ST7L: variants seen among roughly 807,000 people sequenced by gnomAD.
The protein encoded by ST7L is suppressor of tumorigenicity 7 protein-like.
A neutral mutation model predicts 72.5 loss-of-function variants in ST7L; 57 were observed. The ratio of observed to expected loss-of-function variants is 0.79; its 90% CI spans 0.64 to 0.98. The LOEUF (loss-of-function observed/expected upper bound fraction) is 0.98, where lower values mean the gene tolerates loss of function less well. Among genes scored for constraint, ST7L ranks in the 50% least tolerant of loss-of-function variants. ST7L has a pLI of 0.00. For synonymous variants in ST7L, 221 were observed against 240.9 expected (o/e 0.92, Z 0.77); for missense variants, 576 against 672.2 (o/e 0.86, Z 1.58).
chr1:112,536,410 CT>C (rs1459412235), intron 14 of ST7L, among the ~76,000 whole-genome samples: 1 of 152,020 alleles, frequency 6.6e-6, no homozygotes, highest in Non-Finnish European at 1.5e-5. Flanking sequence ...TGTTTATTAA[CT>C]CCCCCGGTTC....
Position 112,541,967 on chromosome 1 carries a change from C to G in ST7L, c.1613G>C (p.Gly538Ala). ...ILTHQFPEIM[G>A]IFAKAVLGLW... ...CATACTTACAGCTTTAGCAAAAATACCCATGATTTCAGGAAACTGGTGAGT... is the reference window on the plus strand; with the variant it reads ...CATACTTACAGCTTTAGCAAAAATAGCCATGATTTCAGGAAACTGGTGAGT... Residue 538 changes from glycine (G) to alanine (A), a missense_variant, in exon 14 of 15, where the codon GGT becomes GCT. By Grantham distance (60) the Gly-to-Ala change is moderately conservative. Around this residue, in one of 3 missense-constraint regions of ST7L, gnomAD observed 511 missense variants for 600.7 expected, o/e 0.85. Coordinates refer to ENST00000358039, the MANE Select transcript of ST7L (RefSeq NM_017744.5). 2 of 1,613,594 alleles carry G rather than the reference C, an allele frequency of 1.2e-6. No individual in the cohort carries two copies. Among genetic ancestry groups the G allele is most frequent in the Non-Finnish European group, 1.7e-6 (2 of 1,179,834 alleles).
At chr1:112,533,152 TTTAG>T (rs1415088545) in intron 14 of ST7L, among the ~76,000 whole-genome samples, 2 of 152,004 alleles carry the variant, frequency 1.3e-5, no homozygotes, top group African/African-American at 4.8e-5. Context: ...TTACTGTTTC[TTTAG>T]TATTATTGTA....
At position 112,552,259 on chromosome 1, in the gene ST7L, T is replaced by G. The variant is rs969972703; in HGVS notation, c.1397-1566A>C. On this transcript the variant is annotated intron_variant, in intron 12 of 14. Coordinates refer to ENST00000358039, the MANE Select transcript of ST7L (RefSeq NM_017744.5). ...GGCCCTGGCTGGAAATCTGTTTTTT[T>G]TCCCCCCGATCAACATTATAATGAA... Among the ~76,000 whole-genome samples, 3 of 81,724 alleles carry G rather than the reference T, an allele frequency of 3.7e-5. No individual in the cohort carries two copies. The South Asian group carries it at 7.5e-4, about 21-fold the overall frequency. The allele number at this position is 81,724 out of a possible 152,430, so 53.6% of individuals were successfully genotyped here. A position where few individuals can be genotyped will look rare whatever the true frequency, so the allele number is the denominator to read the frequency against.
At chr1:112,609,602 T>C (rs1393719719) in intron 3 of ST7L, among the ~76,000 whole-genome samples, 1 of 151,484 alleles carries the variant, frequency 6.6e-6, no homozygotes, top group Non-Finnish European at 1.5e-5. Context: ...GGTGGGCAGA[T>C]CATGAGGTCA....
At chr1:112,597,141 T>C (rs924300743) in intron 5 of ST7L, among the ~76,000 whole-genome samples, 22 of 152,208 alleles carry the variant, frequency 1.4e-4, no homozygotes, top group African/African-American at 5.3e-4. Flanking sequence ...AGTTACTTCA[T>C]AGAGGTTTAG....
At chr1:112,526,375 C>A (rs1653392933) in intron 14 of ST7L, 2 of 366,746 alleles carry the variant, frequency 5.5e-6, no homozygotes, top group East Asian at 8.6e-5. Context: ...TTATCTAGTC[C>A]TTTTGAAATT....
At chr1:112,540,432 G>A in intron 14 of ST7L, 1 of 985,416 alleles carries the variant, frequency 1.0e-6, no homozygotes, top group Non-Finnish European at 1.2e-6. Context: ...TAACAGTTAT[G>A]AGTATGATCA....
At chr1:112,609,361 T>A (rs1045950976) in intron 3 of ST7L, among the ~76,000 whole-genome samples, 2 of 151,420 alleles carry the variant, frequency 1.3e-5, no homozygotes, top group East Asian at 3.9e-4. Flanking sequence ...GTGAAACCCA[T>A]CTCTACTAAA....
chr1:112,520,201 C>T (rs113212023), downstream of ST7L: 5,567 of 1,390,382 alleles, frequency 4.0e-3, 167 homozygotes, highest in African/African-American at 0.067. Context: ...TTTTATCTTC[C>T]TTCTGAGAAT....
intron 6 of ST7L, among the ~76,000 whole-genome samples, chr1:112,588,786 G>T (rs952935378): frequency 6.6e-6 from 1 of 152,078 alleles, no homozygotes; most frequent in African/African-American, 2.4e-5. Context: ...GCTGTATTTG[G>T]AGTGCTCTTT....
In ST7L at chr1:112,582,196, C is replaced by T. The variant is rs1664228104; in HGVS notation, c.955-90G>A. On this transcript the variant is annotated intron_variant, in intron 8 of 14. Coordinates refer to ENST00000358039, the MANE Select transcript of ST7L (RefSeq NM_017744.5). ...ATTCATTAAGTAGAAATTCTTGTTT[C>T]TTACCATAGCTGTGAAGAAGACCTA... 3.8e-6 allele frequency: 4 copies of T among 1,060,406 alleles called. No homozygotes were observed. In the Admixed American group the frequency reaches 8.8e-5, roughly 23 times the overall value. The allele number at this position is 1,060,406 out of a possible 1,614,324, so 65.7% of individuals were successfully genotyped here.
At chr1:112,574,006 T>C in intron 11 of ST7L, among the ~76,000 whole-genome samples, 1 of 139,852 alleles carries the variant, frequency 7.2e-6, no homozygotes, top group Non-Finnish European at 1.5e-5. Flanking sequence ...CCTTCATCTC[T>C]AGGACTCAAG....
At chr1:112,616,162 C>A (rs1669843019) in intron 2 of ST7L, among the ~76,000 whole-genome samples, 1 of 152,136 alleles carries the variant, frequency 6.6e-6, no homozygotes. Context: ...GCTACCCAGT[C>A]CTCAAAGAAA....
intron 12 of ST7L, among the ~76,000 whole-genome samples, chr1:112,552,396 A>C (rs1471070819): frequency 1.3e-5 from 2 of 152,028 alleles, no homozygotes; most frequent in Non-Finnish European, 2.9e-5. Flanking sequence ...GTCGCAATTT[A>C]GACTTTATTT....
At position 112,562,572 on chromosome 1, in the gene ST7L, G is replaced by C. The variant is rs114328823; in HGVS notation, c.1246-6554C>G. Among the ~76,000 whole-genome samples, 818 of 152,324 alleles carry C rather than the reference G, an allele frequency of 5.4e-3. 6 individuals carry two copies. The highest frequency in any genetic ancestry group is 0.019 in the South Asian group (92 of 4,828). ...GACAACAGATGAGCAGGGTCTTAAA[G>C]AATGAGTAGAAATTTGCCAGGTAGA... is the stretch of plus-strand genomic sequence containing the variant. On this transcript the variant is annotated intron_variant, in intron 11 of 14. Transcript: ENST00000358039.
intron 11 of ST7L, among the ~76,000 whole-genome samples, chr1:112,566,776 G>T (rs770922100): frequency 6.6e-6 from 1 of 152,044 alleles, no homozygotes. Context: ...TCATATTTTT[G>T]GTTTCATTCA....
chr1:112,557,884 G>T (rs553432328), intron 11 of ST7L, among the ~76,000 whole-genome samples: 1 of 152,208 alleles, frequency 6.6e-6, no homozygotes, highest in South Asian at 2.1e-4. Context: ...CTTCAGATAT[G>T]AACCTAAATT....
At chr1:112,526,200 G>A in intron 14 of ST7L, 89 bp from the exon 15 acceptor site, 1 of 1,571,758 alleles carries the variant, frequency 6.4e-7, no homozygotes, top group Middle Eastern at 2.0e-4. Flanking sequence ...GTTTACAAAG[G>A]AACAGCCTAG....
At chr1:112,572,489 A>AGAAAAAATTT (rs1293812474) in intron 11 of ST7L, among the ~76,000 whole-genome samples, 4 of 152,266 alleles carry the variant, frequency 2.6e-5, no homozygotes, top group Non-Finnish European at 1.5e-5. Context: ...AAGAAAAAGA[A>AGAAAAAATTT]GAAAAAAAAT....
Sources: allele counts gnomAD v4.1 joint callset (sites outside exome capture counted in the v4.1 genomes callset), GRCh38; gene constraint gnomAD v4.1.1; regional missense constraint gnomAD v4.1.1; transcripts MANE v1.5; gene names NCBI Gene and HGNC (gene_info 2026-07-23, HGNC 2026-07-21).